Variants in TTC1 observed in about 807,000 individuals in gnomAD.
TTC1 encodes the protein tetratricopeptide repeat domain 1.
A neutral mutation model predicts 37.6 loss-of-function variants in TTC1; 31 were observed. The observed-to-expected ratio is 0.82, with a 90% CI of 0.62 to 1.11. The LOEUF (loss-of-function observed/expected upper bound fraction) is 1.11. TTC1 is among the 50% of genes most tolerant of loss of function. The probability of loss-of-function intolerance (pLI) is 0.00; values close to 1 mark genes in which losing one functional copy is unlikely to be tolerated. For missense variants in TTC1, 351 were observed against 339.0 expected (o/e 1.04, Z -0.28); for synonymous variants, 127 against 122.4 (o/e 1.04, Z -0.25).
intron 7 of TTC1, among the ~76,000 whole-genome samples, chr5:160,061,353 C>T (rs1183712853): frequency 6.6e-6 from 1 of 151,612 alleles, no homozygotes; most frequent in South Asian, 2.1e-4. Context: ...CCCTTCCTGA[C>T]TCTCGTAGCA....
intron 2 of TTC1, among the ~76,000 whole-genome samples, chr5:160,027,883 G>A (rs1756833848): frequency 6.6e-6 from 1 of 151,922 alleles, no homozygotes; most frequent in South Asian, 2.1e-4. Context: ...TTTTCTCTTT[G>A]TCTTTTTCTC....
chr5:160,017,490 C>T (rs939914110), intron 2 of TTC1, among the ~76,000 whole-genome samples: 6 of 152,118 alleles, frequency 3.9e-5, no homozygotes, highest in African/African-American at 1.2e-4. Flanking sequence ...CCCAAAAGGA[C>T]GCACCTCTTA....
At chr5:160,020,882 T>A (rs1485308295) in intron 2 of TTC1, among the ~76,000 whole-genome samples, 1 of 152,216 alleles carries the variant, frequency 6.6e-6, no homozygotes, top group Admixed American at 6.5e-5. Context: ...ATAAATGTAA[T>A]GTGCTTGAAT....
Position 160,064,925 on chromosome 5 carries a change from A to G in TTC1, c.746-7A>G. ...TATTCATTTGAGTTTTTGCTTTTAC[A>G]TTACAGGTAAATTAAAAGATCTTGG... On this transcript the variant is annotated splice_region_variant and splice_polypyrimidine_tract_variant and intron_variant, in intron 7 of 7. Transcript: ENST00000231238. 9 of 1,605,044 alleles carry G rather than the reference A, an allele frequency of 5.6e-6. No individual in the cohort carries two copies. The highest frequency in any genetic ancestry group is 7.6e-6 in the Non-Finnish European group (9 of 1,177,984).
intron 5 of TTC1, among the ~76,000 whole-genome samples, chr5:160,044,257 T>C (rs1757160045): frequency 6.6e-6 from 1 of 152,128 alleles, no homozygotes; most frequent in South Asian, 2.1e-4. Context: ...GGGGTCCTGA[T>C]CCAGACCCCA....
At chr5:160,045,904 G>A (rs1333782168) in intron 5 of TTC1, among the ~76,000 whole-genome samples, 1 of 151,824 alleles carries the variant, frequency 6.6e-6, no homozygotes, top group African/African-American at 2.4e-5. Flanking sequence ...CACCATGCCC[G>A]GCTAATTTTT....
intron 7 of TTC1, among the ~76,000 whole-genome samples, chr5:160,053,468 G>A (rs1468999931): frequency 6.6e-6 from 1 of 152,140 alleles, no homozygotes; most frequent in African/African-American, 2.4e-5. Context: ...GGAGGCTGCT[G>A]TGGGAGGATC....
chr5:160,036,560 T>C (rs1283956683), intron 3 of TTC1, 131 bp from the exon 4 acceptor site: 2 of 639,648 alleles, frequency 3.1e-6, no homozygotes, highest in Non-Finnish European at 5.5e-6. Context: ...CCAGACTTAA[T>C]AGACTGTTAC....
At chr5:160,034,488 T>C (rs1465817586) in intron 2 of TTC1, among the ~76,000 whole-genome samples, 1 of 152,192 alleles carries the variant, frequency 6.6e-6, no homozygotes, top group East Asian at 1.9e-4. Context: ...CAGACTTGGC[T>C]TGTACCCACA....
At chr5:160,043,014 C>A in intron 4 of TTC1, 119 bp from the exon 5 acceptor site, 1 of 1,050,152 alleles carries the variant, frequency 9.5e-7, no homozygotes, top group Non-Finnish European at 1.4e-6. Context: ...TACGTAATTT[C>A]TTTGAAAACC....
Position 160,017,518 on chromosome 5 carries a change from A to T in TTC1, c.330+6660A>T, listed in dbSNP as rs532124303. 2.0e-5 allele frequency among the ~76,000 whole-genome samples: 3 copies of T among 152,298 alleles called. No individual in the cohort carries two copies. In the East Asian group the frequency reaches 5.8e-4, roughly 29 times the overall value. ...ACCTCTTAATACCAACACAATGGGG[A>T]TTATTTCAACATGAATTTTGGAGGG... is the stretch of plus-strand genomic sequence containing the variant. On this transcript the variant is annotated intron_variant, in intron 2 of 7. Coordinates refer to ENST00000231238, the MANE Select transcript of TTC1 (RefSeq NM_003314.3).
chr5:160,011,349 T>C (rs540042935), intron 2 of TTC1, among the ~76,000 whole-genome samples: 4 of 152,366 alleles, frequency 2.6e-5, no homozygotes, highest in African/African-American at 9.6e-5. Flanking sequence ...GAATTGTGTA[T>C]GATTATAGCT....
At chr5:160,054,123 C>A (rs1043704353) in intron 7 of TTC1, among the ~76,000 whole-genome samples, 5 of 152,074 alleles carry the variant, frequency 3.3e-5, no homozygotes, top group African/African-American at 1.2e-4. Context: ...GGATAATTAG[C>A]CTCCCAGCCA....
chr5:160,032,330 T>C (rs1170567504), intron 2 of TTC1, among the ~76,000 whole-genome samples: 1 of 152,252 alleles, frequency 6.6e-6, no homozygotes. Context: ...CATTAAGATC[T>C]AGTAACTTGA....
chr5:160,025,744 GTTGTT>G (rs888913832), intron 2 of TTC1, among the ~76,000 whole-genome samples: 1 of 152,110 alleles, frequency 6.6e-6, no homozygotes, highest in Non-Finnish European at 1.5e-5. Context: ...GATGAACTTT[GTTGTT>G]TTGTTTTGTT....
At chr5:160,047,260 A>C (rs1757277886) in intron 5 of TTC1, among the ~76,000 whole-genome samples, 1 of 152,064 alleles carries the variant, frequency 6.6e-6, no homozygotes, top group South Asian at 2.1e-4. Context: ...GCCCCCACAC[A>C]CACACAAAAC....
chr5:160,055,508 A>G (rs931718445), intron 7 of TTC1, among the ~76,000 whole-genome samples: 1 of 152,236 alleles, frequency 6.6e-6, no homozygotes, highest in Non-Finnish European at 1.5e-5. Context: ...AACCTTTTGG[A>G]GCTGCATCTC....
intron 4 of TTC1, among the ~76,000 whole-genome samples, chr5:160,038,592 C>G (rs558598861): frequency 6.6e-6 from 1 of 150,898 alleles, no homozygotes; most frequent in Admixed American, 6.6e-5. Context: ...GAGCGTTGCT[C>G]TATGATTGTT....
At chr5:160,063,834 G>A (rs1352167773) in intron 7 of TTC1, among the ~76,000 whole-genome samples, 1 of 152,058 alleles carries the variant, frequency 6.6e-6, no homozygotes, top group East Asian at 1.9e-4. Context: ...TAGAGATAGA[G>A]TCTCACTGCG....
Sources: gnomAD v4.1 joint callset for allele counts (sites outside exome capture counted in the v4.1 genomes callset) on GRCh38, gnomAD v4.1.1 for gene constraint, MANE v1.5 for transcripts, NCBI Gene and HGNC (gene_info 2026-07-23, HGNC 2026-07-21) for gene names.